The following EYS variants were observed in gnomAD, a reference collection of about 807,000 sequenced individuals.
EYS encodes the protein protein eyes shut homolog.
Under a neutral mutation model 282.1 loss-of-function variants are expected in EYS, and 250 were observed. The observed-to-expected ratio is 0.89, with a 90% CI of 0.80 to 0.98. The LOEUF is 0.98. Among genes scored for constraint, EYS ranks in the 50% least tolerant of loss-of-function variants. The pLI is 0.00. For missense variants in EYS, 4,016 were observed against 3,709.0 expected (o/e 1.08, Z -2.15); for synonymous variants, 1,355 against 1,282.9 (o/e 1.06, Z -1.20).
At chr6:65,261,500 G>C (rs752110185) in intron 12 of EYS, among the ~76,000 whole-genome samples, 1 of 151,990 alleles carries the variant, frequency 6.6e-6, no homozygotes, top group Non-Finnish European at 1.5e-5. Context: ...CCAAGCAATA[G>C]TAAACTCAAT....
chr6:65,639,596 T>C (rs571809861), intron 2 of EYS, among the ~76,000 whole-genome samples, 182 bp downstream of exon 2: 9 of 152,246 alleles, frequency 5.9e-5, no homozygotes, highest in African/African-American at 2.2e-4. Context: ...TAAAGTGAAT[T>C]TAAGAGGTAG....
At chr6:64,829,407 G>A (rs1481630063) in intron 19 of EYS, among the ~76,000 whole-genome samples, 1 of 151,856 alleles carries the variant, frequency 6.6e-6, no homozygotes, top group Non-Finnish European at 1.5e-5. Flanking sequence ...AATCTTCCAG[G>A]AACAGAGACC....
chr6:65,062,295 T>C (rs905221004), intron 12 of EYS, among the ~76,000 whole-genome samples: 1 of 151,856 alleles, frequency 6.6e-6, no homozygotes, highest in Non-Finnish European at 1.5e-5. Flanking sequence ...AACCCAAGAG[T>C]TATTCTTTAT....
At chr6:64,868,147 T>TA (rs1233566782) in intron 19 of EYS, among the ~76,000 whole-genome samples, 4 of 151,594 alleles carry the variant, frequency 2.6e-5, no homozygotes, top group Non-Finnish European at 4.4e-5. Context: ...ATTTTTATTT[T>TA]AAAAAATCAC....
At chr6:64,675,603 T>C (rs1769629850) in intron 22 of EYS, among the ~76,000 whole-genome samples, 1 of 151,874 alleles carries the variant, frequency 6.6e-6, no homozygotes, top group Non-Finnish European at 1.5e-5. Flanking sequence ...CTAATGTTTG[T>C]ATTTTTAGTA....
At chr6:64,322,150 CAAAG>C (rs1700959520) in intron 29 of EYS, among the ~76,000 whole-genome samples, 1 of 151,916 alleles carries the variant, frequency 6.6e-6, no homozygotes, top group South Asian at 2.1e-4. Context: ...TGTTCATTGA[CAAAG>C]AAAGTCTAGC....
At chr6:65,563,911 T>C (rs1232363403) in intron 2 of EYS, among the ~76,000 whole-genome samples, 1 of 152,082 alleles carries the variant, frequency 6.6e-6, no homozygotes, top group East Asian at 1.9e-4. Context: ...TCCTTAAGCT[T>C]ATGAGCAACT....
chr6:65,058,919 T>C (rs958803218), intron 12 of EYS, among the ~76,000 whole-genome samples: 9 of 152,070 alleles, frequency 5.9e-5, no homozygotes, highest in Non-Finnish European at 1.2e-4. Context: ...ACATTCCTTC[T>C]TTTTTTAAAA....
chr6:64,121,430 G>A (rs1035330296), intron 31 of EYS, among the ~76,000 whole-genome samples: 8 of 152,188 alleles, frequency 5.3e-5, no homozygotes, highest in African/African-American at 1.9e-4. Flanking sequence ...TTTAGTAATT[G>A]ATTTGCCTAG....
intron 2 of EYS, among the ~76,000 whole-genome samples, chr6:65,578,933 G>A (rs1764774623): frequency 6.6e-6 from 1 of 152,046 alleles, no homozygotes; most frequent in Admixed American, 6.6e-5. Context: ...TGGTCACACA[G>A]TATTTAATTA....
At chr6:65,641,909 A>T (rs1340161142) in intron 1 of EYS, among the ~76,000 whole-genome samples, 2 of 152,084 alleles carry the variant, frequency 1.3e-5, no homozygotes, top group Non-Finnish European at 2.9e-5. Context: ...TCTGGCCTGG[A>T]ATTAGTCATC....
At chr6:64,651,957 T>C (rs1369927842) in intron 22 of EYS, among the ~76,000 whole-genome samples, 1 of 152,210 alleles carries the variant, frequency 6.6e-6, no homozygotes, top group Non-Finnish European at 1.5e-5. Context: ...GTTCTGTTAA[T>C]TGGCATACAC....
At chr6:64,107,057 T>G (rs1773038765) in intron 31 of EYS, among the ~76,000 whole-genome samples, 1 of 151,224 alleles carries the variant, frequency 6.6e-6, no homozygotes, top group Non-Finnish European at 1.5e-5. Flanking sequence ...ACATTATTAC[T>G]ACTATCTGTT....
chr6:64,024,661 G>A (rs1285800713), intron 33 of EYS, among the ~76,000 whole-genome samples: 1 of 152,076 alleles, frequency 6.6e-6, no homozygotes, highest in Non-Finnish European at 1.5e-5. Context: ...AAGGTCTGCA[G>A]CTTCACCCCT....
At chr6:64,504,659 G>C (rs1174469946) in intron 26 of EYS, among the ~76,000 whole-genome samples, 4 of 152,136 alleles carry the variant, frequency 2.6e-5, no homozygotes, top group Non-Finnish European at 5.9e-5. Flanking sequence ...CATTTGGCAA[G>C]GTGTTTCATC....
At chr6:64,996,042 A>G (rs1270431842) in intron 14 of EYS, among the ~76,000 whole-genome samples, 2 of 152,142 alleles carry the variant, frequency 1.3e-5, no homozygotes, top group Non-Finnish European at 2.9e-5. Context: ...ATCACAACCT[A>G]AAATAAAGCG....
At chr6:65,095,375 T>C (rs1301731078) in intron 12 of EYS, among the ~76,000 whole-genome samples, 1 of 150,934 alleles carries the variant, frequency 6.6e-6, no homozygotes, top group Non-Finnish European at 1.5e-5. Flanking sequence ...ATATATTGTA[T>C]GATTGAAAGT....
intron 31 of EYS, among the ~76,000 whole-genome samples, chr6:64,198,670 G>A (rs985055650): frequency 6.6e-6 from 1 of 151,960 alleles, no homozygotes; most frequent in African/African-American, 2.4e-5. Flanking sequence ...CTTTTTTGTT[G>A]GCTTCATAGT....
chr6:64,538,302 A>G (rs1184845256), intron 26 of EYS, among the ~76,000 whole-genome samples: 1 of 152,218 alleles, frequency 6.6e-6, no homozygotes, highest in East Asian at 1.9e-4. Context: ...GGAGAAAAAT[A>G]TATTGCTTAA....
Sources: allele counts gnomAD v4.1 joint callset (sites outside exome capture counted in the v4.1 genomes callset), GRCh38; gene constraint gnomAD v4.1.1; transcripts MANE v1.5; gene names NCBI Gene and HGNC (gene_info 2026-07-23, HGNC 2026-07-21).